Variants in PLA2G4C observed in about 807,000 individuals in gnomAD.
PLA2G4C encodes the protein cytosolic phospholipase A2 gamma.
In PLA2G4C, 64 loss-of-function variants were observed where a neutral mutation model predicts 73.8. The observed-to-expected ratio is 0.87, with a 90% confidence interval of 0.71 to 1.07. PLA2G4C has a LOEUF of 1.07. Among genes scored for constraint, PLA2G4C ranks in the 50% least tolerant of loss-of-function variants. The pLI, the probability that PLA2G4C is intolerant of heterozygous loss-of-function variation, is 0.00. For missense variants in PLA2G4C, 622 were observed against 665.4 expected (o/e 0.93, Z 0.72); for synonymous variants, 254 against 252.1 (o/e 1.01, Z -0.07).
chr19:48,099,637 C>A (rs541177000), intron 5 of PLA2G4C, 34 bp downstream of exon 5: 5 of 1,552,724 alleles, frequency 3.2e-6, no homozygotes, highest in Non-Finnish European at 3.5e-6. Context: ...TTGCTCCTAC[C>A]CCCACCCCAG....
At chr19:48,109,626 T>C (rs560851808) in intron 1 of PLA2G4C, among the ~76,000 whole-genome samples, 1 of 151,976 alleles carries the variant, frequency 6.6e-6, no homozygotes, top group South Asian at 2.1e-4. Context: ...GAGGGTGGCC[T>C]GGAATTTGGT....
chr19:48,097,909 A>G (rs891365743), intron 6 of PLA2G4C: 9 of 422,144 alleles, frequency 2.1e-5, no homozygotes, highest in Admixed American at 8.7e-5. Flanking sequence ...GTGAGCCACC[A>G]TGTTGGCCTC....
chr19:48,067,544 A>G (rs1968480440), intron 13 of PLA2G4C, among the ~76,000 whole-genome samples: 2 of 152,210 alleles, frequency 1.3e-5, no homozygotes, highest in South Asian at 2.1e-4. Flanking sequence ...TTGCAAAACC[A>G]GAGAAAGCCA....
intron 10 of PLA2G4C, among the ~76,000 whole-genome samples, chr19:48,079,979 G>A (rs190997969): frequency 3.0e-4 from 45 of 152,064 alleles, no homozygotes; most frequent in Non-Finnish European, 2.8e-4. Context: ...ACAAATATAT[G>A]GGACCTGAGT....
At position 48,098,166 on chromosome 19, in the gene PLA2G4C, G is replaced by T. The variant is rs746846127; in HGVS notation, c.541C>A (p.Pro181Thr). 2 of 1,613,740 alleles carry T rather than the reference G, an allele frequency of 1.2e-6. No homozygotes were observed. The highest frequency in any genetic ancestry group is 1.3e-5 in the African/African-American group (1 of 74,990). Residue 181 changes from proline to threonine, a missense_variant, in exon 6 of 17, where the codon CCT becomes ACT. Transcript: ENST00000599921. ...GGTGCTCTTGCCTCCTGCCAGGAAGGTTGCAGGTCATTGTCAATGGCTGCA... is the reference window on the plus strand; with the variant it reads ...GGTGCTCTTGCCTCCTGCCAGGAAGTTTGCAGGTCATTGTCAATGGCTGCA... ...IFAAIDNDLQ[P>T]SWQEARAPET...
chr19:48,094,675 C>G lies in PLA2G4C; in HGVS notation c.709+789G>C, dbSNP rs187778988. On this transcript the variant is annotated intron_variant, in intron 7 of 16. Transcript: ENST00000599921. ...GGGTAATGCCTTCAGACCCTGAATG[C>G]TGAGAAGATTATGAAGCCACAACTA... 4.8e-4 allele frequency among the ~76,000 whole-genome samples: 73 copies of G among 152,284 alleles called. 1 individual carries two copies. The highest frequency in any genetic ancestry group is 7.8e-4 in the Admixed American group (12 of 15,290).
intron 7 of PLA2G4C, among the ~76,000 whole-genome samples, chr19:48,094,459 T>G (rs2031468985): frequency 6.6e-6 from 1 of 152,074 alleles, no homozygotes. Context: ...TCATGGAGAG[T>G]CAACCATCCT....
intron 5 of PLA2G4C, 95 bp from the exon 6 acceptor site, chr19:48,098,354 CTCAG>C (rs1279934769): frequency 1.7e-6 from 2 of 1,165,384 alleles, no homozygotes; most frequent in East Asian, 5.2e-5. Context: ...TTAGAGGGGT[CTCAG>C]TCTGTCACCC....
chr19:48,102,157 T>C (rs2061285455), intron 4 of PLA2G4C, among the ~76,000 whole-genome samples: 1 of 152,034 alleles, frequency 6.6e-6, no homozygotes, highest in African/African-American at 2.4e-5. Flanking sequence ...AAATGGATCA[T>C]TTCACTGTTT....
intron 13 of PLA2G4C, among the ~76,000 whole-genome samples, chr19:48,067,488 C>A (rs1286267980): frequency 6.6e-6 from 1 of 152,112 alleles, no homozygotes; most frequent in Non-Finnish European, 1.5e-5. Flanking sequence ...TTTTTGAAGA[C>A]CAGGTCCTAG....
At position 48,110,553 on chromosome 19, in the gene PLA2G4C, G is replaced by GCTTGGGCTCCGGAATCCGGTGCGGAGT; in HGVS notation, c.-100_-99insACTCCGCACCGGATTCCGGAGCCCAAG. 2.6e-6 allele frequency: 4 copies of GCTTGGGCTCCGGAATCCGGTGCGGAGT among 1,511,934 alleles called. No individual in the cohort carries two copies. Among genetic ancestry groups the GCTTGGGCTCCGGAATCCGGTGCGGAGT allele is most frequent in the African/African-American group, 1.4e-5 (1 of 71,546 alleles). 93.7% of individuals were successfully genotyped at this position (1,511,934 alleles called of 1,614,324 possible). On this transcript the variant is annotated 5_prime_UTR_variant, in exon 1 of 17. Transcript: ENST00000599921. Reference sequence around the variant, plus strand: ...TTGTGCTCCGGAATCCGGTGCGGAGGCTTGGGCTCCCTGCGCTTAGCGGTG... The same window carrying GCTTGGGCTCCGGAATCCGGTGCGGAGT: ...TTGTGCTCCGGAATCCGGTGCGGAGGCTTGGGCTCCGGAATCCGGTGCGGAGTCTTGGGCTCCCTGCGCTTAGCGGTG...
intron 1 of PLA2G4C, among the ~76,000 whole-genome samples, chr19:48,110,202 C>T (rs1165751818): frequency 6.6e-6 from 1 of 151,014 alleles, no homozygotes; most frequent in Non-Finnish European, 1.5e-5. Flanking sequence ...AAAAATTAGC[C>T]GGGTGTGGTG....
chr19:48,074,620 G>A (rs2030009790), intron 12 of PLA2G4C, 147 bp downstream of exon 12: 2 of 674,140 alleles, frequency 3.0e-6, no homozygotes, highest in East Asian at 2.7e-5. Context: ...CATGAGATGT[G>A]GAAGGGAACA....
intron 10 of PLA2G4C, among the ~76,000 whole-genome samples, chr19:48,084,158 C>A (rs2030834368): frequency 6.6e-6 from 1 of 151,644 alleles, no homozygotes; most frequent in Non-Finnish European, 1.5e-5. Context: ...CTCCTGGTTT[C>A]AAGCGATTCT....
intron 10 of PLA2G4C, among the ~76,000 whole-genome samples, chr19:48,079,820 G>A (rs936600954): frequency 6.6e-6 from 1 of 152,168 alleles, no homozygotes; most frequent in Non-Finnish European, 1.5e-5. Context: ...AATTGGCCAG[G>A]TATGGTGTTG....
At chr19:48,096,440 A>C (rs1156877218) in intron 6 of PLA2G4C, among the ~76,000 whole-genome samples, 1 of 152,032 alleles carries the variant, frequency 6.6e-6, no homozygotes, top group African/African-American at 2.4e-5. Flanking sequence ...AAAATTAGCC[A>C]GGCGTGGTGG....
intron 10 of PLA2G4C, among the ~76,000 whole-genome samples, chr19:48,082,101 C>T (rs763345121): frequency 6.6e-6 from 1 of 151,662 alleles, no homozygotes; most frequent in Non-Finnish European, 1.5e-5. Flanking sequence ...CAAAAAACTA[C>T]ATATTGAATG....
intron 14 of PLA2G4C, among the ~76,000 whole-genome samples, chr19:48,058,003 A>G (rs1968022706): frequency 1.1e-5 from 1 of 92,770 alleles, no homozygotes; most frequent in Non-Finnish European, 2.8e-5. Flanking sequence ...CAGCTAATCA[A>G]AAAAAATTTT....
In PLA2G4C at chr19:48,110,489, G is replaced by A. The variant is rs1419868059; in HGVS notation, c.-35C>T. 6.8e-7 allele frequency: 1 copy of A among 1,475,920 alleles called. No homozygotes were observed. The highest frequency in any genetic ancestry group is 8.9e-7 in the Non-Finnish European group (1 of 1,128,402). 91.4% of individuals were successfully genotyped at this position (1,475,920 alleles called of 1,614,324 possible). On this transcript the variant is annotated splice_region_variant and 5_prime_UTR_variant, in exon 1 of 17. Transcript: ENST00000599921. ...CCCTCCCTGCCCCCACGGCTTGCCT[G>A]AGCCTGGGTCTGGGGCGTGTGCGCA...
Sources: gnomAD v4.1 joint callset for allele counts (sites outside exome capture counted in the v4.1 genomes callset) on GRCh38, gnomAD v4.1.1 for gene constraint, MANE v1.5 for transcripts, NCBI Gene and HGNC (gene_info 2026-07-23, HGNC 2026-07-21) for gene names.